ATAD3A: variants seen among roughly 807,000 people sequenced by gnomAD.
The protein encoded by ATAD3A is ATPase family AAA domain-containing protein 3A.
In ATAD3A, 46 loss-of-function variants were observed where a neutral mutation model predicts 73.8. That is an observed-to-expected ratio of 0.62 (90% confidence interval 0.49 to 0.80). The LOEUF (loss-of-function observed/expected upper bound fraction) is 0.80, where lower values mean the gene tolerates loss of function less well. ATAD3A is among the 30% of genes least tolerant of loss of function. The probability of loss-of-function intolerance (pLI) is 0.00; values close to 1 mark genes in which losing one functional copy is unlikely to be tolerated. For missense variants in ATAD3A, 705 were observed against 838.0 expected (o/e 0.84, Z 1.96); for synonymous variants, 319 against 350.0 (o/e 0.91, Z 0.99).
Position 1,534,100 on chromosome 1 carries a change from A to G in ATAD3A, c.*28A>G, listed in dbSNP as rs756011147. 5.0e-6 allele frequency: 8 copies of G among 1,613,166 alleles called. 1 individual carries two copies. In the South Asian group the frequency reaches 8.8e-5, roughly 18 times the overall value. ...CCACAGGGAGATCCACAGCTCACGGAGCCTGGCCGCGGACCCCTCCCACCC... is the reference window on the plus strand; with the variant it reads ...CCACAGGGAGATCCACAGCTCACGGGGCCTGGCCGCGGACCCCTCCCACCC... On this transcript the variant is annotated 3_prime_UTR_variant, in exon 16 of 16. Transcript: ENST00000378756.
At chr1:1,524,780 G>A (rs1215981600) in intron 11 of ATAD3A, among the ~76,000 whole-genome samples, 1 of 147,592 alleles carries the variant, frequency 6.8e-6, no homozygotes, top group African/African-American at 2.6e-5. Context: ...GCTGAAGACA[G>A]CATGGCACAC....
chr1:1,529,684 G>C (rs1641970584), intron 15 of ATAD3A, among the ~76,000 whole-genome samples: 1 of 152,240 alleles, frequency 6.6e-6, no homozygotes, highest in South Asian at 2.1e-4. Flanking sequence ...CGTTAGGACA[G>C]GCCCCATGTG....
intron 7 of ATAD3A, among the ~76,000 whole-genome samples, chr1:1,521,288 G>C (rs1641586586): frequency 1.6e-5 from 2 of 125,562 alleles, no homozygotes; most frequent in Admixed American, 8.9e-5. Flanking sequence ...CACATAGTGA[G>C]GCTTCTTCTC....
chr1:1,529,910 G>A (rs1438386019), intron 15 of ATAD3A, among the ~76,000 whole-genome samples: 1 of 152,200 alleles, frequency 6.6e-6, no homozygotes, highest in Admixed American at 6.5e-5. Context: ...GGTCTTTGGG[G>A]GTTGCTGGAA....
At chr1:1,525,180 G>A (rs902029914) in intron 11 of ATAD3A, 60 bp from the exon 12 acceptor site, 19 of 1,609,496 alleles carry the variant, frequency 1.2e-5, no homozygotes, top group Middle Eastern at 4.0e-4. Flanking sequence ...GCGGCCGGAC[G>A]CTGCTGTGGG....
chr1:1,523,378 G>C lies in ATAD3A; in HGVS notation c.907-133G>C. ...GGTCTCCGGGCGGGGCAGGGTTCCA[G>C]CTCCGGGCCGGTCCTGGCTGTGCTT... On this transcript the variant is annotated intron_variant, in intron 8 of 15. Transcript: ENST00000378756. The surrounding 1 kb of genome is among the most constrained non-coding windows in gnomAD (Gnocchi z 5.1). The C allele has an allele frequency of 6.9e-7, 1 of 1,444,814 alleles. No homozygotes were observed. Among genetic ancestry groups the C allele is most frequent in the Non-Finnish European group, 9.4e-7 (1 of 1,063,728 alleles). 89.5% of individuals were successfully genotyped at this position (1,444,814 alleles called of 1,614,324 possible).
Position 1,530,463 on chromosome 1 carries a change from G to A in ATAD3A, c.1614+1132G>A, listed in dbSNP as rs1382656806. On this transcript the variant is annotated intron_variant, in intron 15 of 15. Transcript: ENST00000378756. ...GTGGGAGGATCACTTGAGTCCAGGA[G>A]GTGGAGGCTGCAGTGAGCTGTGATT... Among the ~76,000 whole-genome samples, 4 of 152,248 alleles carry A rather than the reference G, an allele frequency of 2.6e-5. No homozygotes were observed. The East Asian group carries it at 7.7e-4, about 29-fold the overall frequency.
chr1:1,519,112 C>G (rs1290497165), intron 5 of ATAD3A, 122 bp downstream of exon 5: 5 of 1,568,062 alleles, frequency 3.2e-6, no homozygotes, highest in Middle Eastern at 1.9e-4. Context: ...GTGGGCGAGG[C>G]CTGCTGGGGC....
At chr1:1,531,463 G>A (rs375440335) in intron 15 of ATAD3A, among the ~76,000 whole-genome samples, 1 of 147,430 alleles carries the variant, frequency 6.8e-6, no homozygotes, top group Non-Finnish European at 1.5e-5. Context: ...AAACGAAAAC[G>A]AAAACTAAAA....
intron 14 of ATAD3A, 50 bp downstream of exon 14, chr1:1,527,912 C>T (rs764491688): frequency 1.7e-5 from 26 of 1,555,516 alleles, no homozygotes; most frequent in South Asian, 1.1e-4. Flanking sequence ...CGCTCAGGGT[C>T]CACCCCGACC....
rs1369836816 is a variant in ATAD3A, at chr1:1,520,002, G to T, written c.515-139G>T. The T allele has an allele frequency of 8.4e-6, 12 of 1,425,756 alleles. No individual in the cohort carries two copies. The highest frequency in any genetic ancestry group is 1.0e-5 in the Non-Finnish European group (11 of 1,064,914). The allele number at this position is 1,425,756 out of a possible 1,614,324, so 88.3% of individuals were successfully genotyped here. A position where few individuals can be genotyped will look rare whatever the true frequency, so the allele number is the denominator to read the frequency against. ...TGTGGGCCTGTCCATGGCGTGGGCC[G>T]GTCCGTGGCATGGGCCTGTCTGTGG... On this transcript the variant is annotated intron_variant, in intron 5 of 15. Coordinates refer to ENST00000378756, the MANE Select transcript of ATAD3A (RefSeq NM_001170535.3). The surrounding 1 kb of genome is among the most constrained non-coding windows in gnomAD (Gnocchi z 4.0).
chr1:1,512,691 G>A (rs1641241325), intron 1 of ATAD3A: 1 of 1,277,678 alleles, frequency 7.8e-7, no homozygotes, highest in African/African-American at 1.6e-5. Context: ...AGCGGGTCAG[G>A]TGCGGAAAGC....
At position 1,522,729 on chromosome 1, in the gene ATAD3A, G is replaced by A. The variant is rs185493637; in HGVS notation, c.751-15G>A. 15,875 of 1,611,890 alleles carry A rather than the reference G, an allele frequency of 9.8e-3. 105 individuals are homozygous for A. Among genetic ancestry groups the A allele is most frequent in the Non-Finnish European group, 0.012 (14,031 of 1,179,604 alleles). On this transcript the variant is annotated splice_polypyrimidine_tract_variant and intron_variant, in intron 7 of 15. Transcript: ENST00000378756. ...CGGTGGGGGCCGGTGCGCCAGTGCG[G>A]TGTCTCTGCTGCAGGTGGCTGGGCT...
intron 1 of ATAD3A, among the ~76,000 whole-genome samples, chr1:1,514,850 GTCTT>G (rs550971013): frequency 9.1e-4 from 138 of 152,274 alleles, no homozygotes; most frequent in African/African-American, 3.1e-3. Context: ...TACTTTACGT[GTCTT>G]TCTGTGTTAG....
At position 1,518,782 on chromosome 1, in the gene ATAD3A, C is replaced by A. The variant is rs560596953; in HGVS notation, c.445-139C>A. ...CGCCTGCACATTCGGGCACCGTCAC[C>A]CCCCGCAAACGGGCACCGTCACACC... On this transcript the variant is annotated intron_variant, in intron 4 of 15. Transcript: ENST00000378756. The A allele has an allele frequency of 2.4e-5, 37 of 1,539,510 alleles. No individual in the cohort carries two copies. In the Middle Eastern group the frequency reaches 5.1e-4, roughly 21 times the overall value.
intron 1 of ATAD3A, among the ~76,000 whole-genome samples, chr1:1,514,870 TTA>T (rs1388693458): frequency 9.2e-5 from 14 of 152,078 alleles, no homozygotes; most frequent in Non-Finnish European, 1.9e-4. Flanking sequence ...GTTAGCAGAT[TTA>T]TATGTTTATT....
chr1:1,533,997 C>T lies in ATAD3A; in HGVS notation c.1686C>T (p.Val562=). The part of the protein sequence containing the change: ...AMMDTRVQDA[V]QQHQQKMCWL... ...TGGACACCCGCGTGCAAGATGCTGT[C>T]CAGCAGCACCAGCAGAAGATGTGCT... The change falls in exon 16 of 16, where the codon GTC becomes GTT. Residue 562 remains valine (V), a synonymous_variant. Coordinates refer to ENST00000378756, the MANE Select transcript of ATAD3A (RefSeq NM_001170535.3). The T allele has an allele frequency of 6.2e-7, 1 of 1,613,614 alleles. No individual in the cohort carries two copies. Among genetic ancestry groups the T allele is most frequent in the South Asian group, 1.1e-5 (1 of 91,092 alleles).
chr1:1,515,453 C>T (rs1164283474), intron 1 of ATAD3A, among the ~76,000 whole-genome samples: 2 of 152,192 alleles, frequency 1.3e-5, no homozygotes, highest in African/African-American at 4.8e-5. Context: ...GCTGAGGCCT[C>T]AGCAGCTCAG....
chr1:1,512,306 G>T lies in ATAD3A; in HGVS notation c.38G>T (p.Gly13Val). The T allele has an allele frequency of 7.9e-7, 1 of 1,258,176 alleles. No individual in the cohort carries two copies. Among genetic ancestry groups the T allele is most frequent in the Non-Finnish European group, 1.0e-6 (1 of 996,846 alleles). 77.9% of individuals were successfully genotyped at this position (1,258,176 alleles called of 1,614,324 possible). A position where few individuals can be genotyped will look rare whatever the true frequency, so the allele number is the denominator to read the frequency against. ...WLFGINKGPK[G>V]EGAGPPPPLP... ...TTCGGCATTAACAAGGGCCCCAAGG[G>T]TGAAGGCGCGGGGCCGCCGCCGCCT... Residue 13 changes from glycine (G) to valine (V), a missense_variant, in exon 1 of 16, where the codon GGT becomes GTT. Physicochemically the swap from Gly to Val is moderately radical, Grantham distance 109 (BLOSUM62 -3). Coordinates refer to ENST00000378756, the MANE Select transcript of ATAD3A (RefSeq NM_001170535.3).
Sources: gnomAD v4.1 joint callset for allele counts (sites outside exome capture counted in the v4.1 genomes callset) on GRCh38, gnomAD v4.1.1 for gene constraint, Gnocchi (gnomAD v3.1) non-coding constraint, MANE v1.5 for transcripts, NCBI Gene and HGNC (gene_info 2026-07-23, HGNC 2026-07-21) for gene names.